PTPRT: variants seen among roughly 807,000 people sequenced by gnomAD.
The protein encoded by PTPRT is receptor-type tyrosine-protein phosphatase T.
Under a neutral mutation model 176.8 loss-of-function variants are expected in PTPRT, and 56 were observed. The ratio of observed to expected loss-of-function variants is 0.32; its 90% confidence interval spans 0.26 to 0.40. The LOEUF (loss-of-function observed/expected upper bound fraction) is 0.40, where lower values mean the gene tolerates loss of function less well. Ranked by LOEUF, PTPRT falls within the 10% of genes least tolerant of loss-of-function variation. PTPRT has a pLI of 1.00. For synonymous variants in PTPRT, 783 were observed against 739.0 expected (o/e 1.06, Z -0.96); for missense variants, 1,540 against 1,908.2 (o/e 0.81, Z 3.60).
chr20:42,804,208 C>A (rs2077571783), intron 2 of PTPRT, among the ~76,000 whole-genome samples: 1 of 152,260 alleles, frequency 6.6e-6, no homozygotes, highest in Admixed American at 6.5e-5. Flanking sequence ...ACTCCTCCAC[C>A]TGCCCCCATC....
intron 1 of PTPRT, among the ~76,000 whole-genome samples, chr20:42,961,122 G>GA (rs895658904): frequency 2.4e-4 from 37 of 151,656 alleles, no homozygotes; most frequent in East Asian, 1.9e-4. Flanking sequence ...TTAAAAGCTA[G>GA]AAAAAAAATG....
chr20:42,663,744 A>G (rs112530871), intron 7 of PTPRT, among the ~76,000 whole-genome samples: 10,900 of 152,156 alleles, frequency 0.072, 507 homozygotes, highest in Admixed American at 0.11. Context: ...TCTTTTTTTT[A>G]AAACTTCCTA....
intron 7 of PTPRT, among the ~76,000 whole-genome samples, chr20:42,562,579 G>GT (rs1304006725): frequency 6.6e-6 from 1 of 152,198 alleles, no homozygotes; most frequent in African/African-American, 2.4e-5. Flanking sequence ...ATGTGGGAAT[G>GT]TTTATAGAAA....
chr20:43,175,292 T>C (rs1421998918), intron 1 of PTPRT, among the ~76,000 whole-genome samples: 3 of 152,256 alleles, frequency 2.0e-5, no homozygotes, highest in Non-Finnish European at 2.9e-5. Flanking sequence ...TAAAGTTCTC[T>C]ATTTCCCTTC....
intron 1 of PTPRT, among the ~76,000 whole-genome samples, chr20:43,058,635 A>T (rs2146247479): frequency 6.6e-6 from 1 of 152,286 alleles, no homozygotes; most frequent in East Asian, 1.9e-4. Flanking sequence ...ATGCAAAATA[A>T]CAAAGTGGTC....
At chr20:42,518,723 T>C (rs927561719) in intron 7 of PTPRT, among the ~76,000 whole-genome samples, 2 of 152,118 alleles carry the variant, frequency 1.3e-5, no homozygotes, top group Non-Finnish European at 2.9e-5. Flanking sequence ...ATTTTTGTTC[T>C]TATGTTAATA....
rs944204649 is a variant in PTPRT at position 42,217,671 on chromosome 20, C to G, written c.2343-18283G>C. Among the ~76,000 whole-genome samples, 3 of 152,256 alleles carry G rather than the reference C, an allele frequency of 2.0e-5. No individual in the cohort carries two copies. In the South Asian group the frequency reaches 6.2e-4, roughly 32 times the overall value. On this transcript the variant is annotated intron_variant, in intron 15 of 30. Transcript: ENST00000373187. The stretch of plus-strand genomic sequence containing the variant: ...TGCTACGTATGTGTTGGGGAGTTAC[C>G]TAGTGCACTGCGGGATGCTTAGTAG...
At chr20:42,530,008 T>C (rs2072353019) in intron 7 of PTPRT, among the ~76,000 whole-genome samples, 1 of 152,200 alleles carries the variant, frequency 6.6e-6, no homozygotes, top group Non-Finnish European at 1.5e-5. Flanking sequence ...TCGCCGTTTC[T>C]TTACCTGAAA....
At chr20:42,778,448 C>A (rs1441850219) in intron 4 of PTPRT, among the ~76,000 whole-genome samples, 2 of 152,076 alleles carry the variant, frequency 1.3e-5, no homozygotes, top group Non-Finnish European at 2.9e-5. Context: ...AGCCAGCTGT[C>A]ACCTACTAGA....
intron 1 of PTPRT, among the ~76,000 whole-genome samples, chr20:42,939,186 G>A (rs938487615): frequency 6.6e-6 from 1 of 152,156 alleles, no homozygotes; most frequent in Non-Finnish European, 1.5e-5. Context: ...TACTCTGATG[G>A]CAAATGCTTA....
rs56329932 is a variant in PTPRT at position 42,169,743 on chromosome 20, A to AACACACACACACACAC, written c.2492-8217_2492-8202dup. Among the ~76,000 whole-genome samples the AACACACACACACACAC allele has an allele frequency of 1.1e-3, 115 of 104,630 alleles. 1 individual carries two copies. Among genetic ancestry groups the AACACACACACACACAC allele is most frequent in the African/African-American group, 3.1e-3 (81 of 25,996 alleles). 68.6% of individuals were successfully genotyped at this position (104,630 alleles called of 152,430 possible). A position where few individuals can be genotyped will look rare whatever the true frequency, so the allele number is the denominator to read the frequency against. On this transcript the variant is annotated intron_variant, in intron 16 of 30. Transcript: ENST00000373187. ...GATACCGTGAAAAGTACAATTTTCA[A>AACACACACACACACAC]ACACACACACACACACACACACACA...
chr20:42,088,106 A>G (rs1158352859), intron 27 of PTPRT, among the ~76,000 whole-genome samples: 1 of 152,052 alleles, frequency 6.6e-6, no homozygotes, highest in African/African-American at 2.4e-5. Flanking sequence ...TGGGGTACAG[A>G]GGGGAGACAA....
intron 1 of PTPRT, among the ~76,000 whole-genome samples, chr20:43,108,556 T>G (rs1424333345): frequency 6.6e-6 from 1 of 152,118 alleles, no homozygotes; most frequent in Non-Finnish European, 1.5e-5. Flanking sequence ...AACATGTGAC[T>G]CGAGACAGGG....
chr20:43,053,343 C>G (rs916221856), intron 1 of PTPRT, among the ~76,000 whole-genome samples: 3 of 152,170 alleles, frequency 2.0e-5, no homozygotes, highest in African/African-American at 7.2e-5. Flanking sequence ...CTCTTTGGTC[C>G]CTTGCCCCTG....
chr20:42,690,244 G>C (rs1469751174), intron 6 of PTPRT, among the ~76,000 whole-genome samples: 1 of 152,152 alleles, frequency 6.6e-6, no homozygotes, highest in Admixed American at 6.5e-5. Context: ...TCATCCTGAG[G>C]CTGTGTAAGC....
In PTPRT at chr20:43,139,325, C is replaced by T. The variant is rs527610444; in HGVS notation, c.88+50321G>A. On this transcript the variant is annotated intron_variant, in intron 1 of 30. Transcript: ENST00000373187. ...GAACCATGGGGCTTTTCCAGCTCTC[C>T]TCCATACTCCCTGTGCCTTCACTCT... 2.0e-5 allele frequency among the ~76,000 whole-genome samples: 3 copies of T among 152,304 alleles called. No homozygotes were observed. The East Asian group carries it at 5.8e-4, about 29-fold the overall frequency.
the PTPRT span, among the ~76,000 whole-genome samples, chr20:42,036,322 T>C: frequency 6.6e-6 from 1 of 152,220 alleles, no homozygotes; most frequent in Admixed American, 6.5e-5. Context: ...AGGTCTTTAG[T>C]AAAATGTATA....
At chr20:42,559,023 AC>A (rs2072906845) in intron 7 of PTPRT, among the ~76,000 whole-genome samples, 1 of 151,976 alleles carries the variant, frequency 6.6e-6, no homozygotes, top group Admixed American at 6.6e-5. Flanking sequence ...GAGGACAAAC[AC>A]CCCAAAATGA....
intron 12 of PTPRT, among the ~76,000 whole-genome samples, chr20:42,314,760 A>G (rs1158399742): frequency 1.3e-5 from 2 of 152,156 alleles, no homozygotes; most frequent in South Asian, 2.1e-4. Flanking sequence ...GTAGGATGCT[A>G]AGAGTGTGAA....
Sources: gnomAD v4.1 joint callset for allele counts (sites outside exome capture counted in the v4.1 genomes callset) on GRCh38, gnomAD v4.1.1 for gene constraint, MANE v1.5 for transcripts, NCBI Gene and HGNC (gene_info 2026-07-23, HGNC 2026-07-21) for gene names.